The following CFAP299 variants were observed in gnomAD, a reference collection of about 807,000 sequenced individuals.
CFAP299 encodes the protein cilia and flagella associated protein 299.
In CFAP299, 21 loss-of-function variants were observed where a neutral mutation model predicts 27.0. That is an observed-to-expected ratio of 0.78 (90% CI 0.55 to 1.12). The LOEUF (loss-of-function observed/expected upper bound fraction) is 1.12. Ranked by LOEUF, CFAP299 falls within the 50% of genes most tolerant of loss-of-function variation. The pLI, the probability that CFAP299 is intolerant of heterozygous loss-of-function variation, is 0.00. For synonymous variants in CFAP299, 104 were observed against 98.1 expected (o/e 1.06, Z -0.36); for missense variants, 310 against 276.6 (o/e 1.12, Z -0.86).
At chr4:80,470,831 A>G (rs1341058801) in intron 2 of CFAP299, among the ~76,000 whole-genome samples, 3 of 152,208 alleles carry the variant, frequency 2.0e-5, no homozygotes, top group Non-Finnish European at 4.4e-5. Context: ...TGAGATATGT[A>G]TCAGCAGAAA....
intron 2 of CFAP299, among the ~76,000 whole-genome samples, chr4:80,419,344 A>G (rs1242604661): frequency 2.6e-5 from 4 of 152,104 alleles, no homozygotes; most frequent in Non-Finnish European, 5.9e-5. Context: ...GTGGCCTGCT[A>G]GTGCTTGGGA....
At chr4:80,389,715 G>A (rs966813878) in intron 2 of CFAP299, among the ~76,000 whole-genome samples, 1 of 152,056 alleles carries the variant, frequency 6.6e-6, no homozygotes, top group African/African-American at 2.4e-5. Context: ...TGCCTTTATT[G>A]CTTAACTGAT....
chr4:80,481,779 A>G (rs911005324), intron 2 of CFAP299, among the ~76,000 whole-genome samples: 5 of 152,074 alleles, frequency 3.3e-5, no homozygotes, highest in African/African-American at 1.2e-4. Context: ...TATTGGAGCT[A>G]TTATATGTAT....
intron 1 of CFAP299, among the ~76,000 whole-genome samples, chr4:80,344,291 T>G (rs1211949965): frequency 6.6e-6 from 1 of 150,944 alleles, no homozygotes; most frequent in Non-Finnish European, 1.5e-5. Flanking sequence ...GAGAATCAAA[T>G]GGACACAATC....
At chr4:80,603,619 G>A (rs564908532) in intron 3 of CFAP299, among the ~76,000 whole-genome samples, 3 of 152,166 alleles carry the variant, frequency 2.0e-5, no homozygotes, top group Non-Finnish European at 4.4e-5. Flanking sequence ...ATTTATGAAT[G>A]TGTTTAAGGA....
At chr4:80,758,558 G>A (rs934335292) in intron 3 of CFAP299, among the ~76,000 whole-genome samples, 6 of 152,044 alleles carry the variant, frequency 3.9e-5, no homozygotes, top group Non-Finnish European at 5.9e-5. Flanking sequence ...GTGGGCTCTC[G>A]CCAGAGACCC....
At chr4:80,634,022 T>A (rs905641432) in intron 3 of CFAP299, among the ~76,000 whole-genome samples, 1 of 148,432 alleles carries the variant, frequency 6.7e-6, no homozygotes, top group African/African-American at 2.5e-5. Context: ...TCTAGCTCTG[T>A]CGCCCAGGCT....
chr4:80,329,903 C>T, the CFAP299 span, among the ~76,000 whole-genome samples: 1 of 152,096 alleles, frequency 6.6e-6, no homozygotes, highest in Non-Finnish European at 1.5e-5. Flanking sequence ...AGCCTATTTC[C>T]ACCTCATCTC....
chr4:80,577,206 A>G (rs950349099), intron 2 of CFAP299, among the ~76,000 whole-genome samples: 5 of 152,090 alleles, frequency 3.3e-5, no homozygotes, highest in Admixed American at 6.6e-5. Context: ...CTGAATACCA[A>G]CTGATTATAA....
intron 3 of CFAP299, among the ~76,000 whole-genome samples, chr4:80,655,335 A>G (rs988071805): frequency 2.6e-5 from 4 of 152,194 alleles, no homozygotes; most frequent in African/African-American, 9.6e-5. Flanking sequence ...AAATACAAAA[A>G]TAAGCTATCG....
intron 2 of CFAP299, among the ~76,000 whole-genome samples, chr4:80,494,285 C>CT (rs1731318508): frequency 6.6e-6 from 1 of 152,342 alleles, no homozygotes. Flanking sequence ...ATTATCCTCA[C>CT]TATCTTCCCA....
chr4:80,448,716 A>T (rs80314058), intron 2 of CFAP299, among the ~76,000 whole-genome samples: 1 of 146,440 alleles, frequency 6.8e-6, no homozygotes, highest in African/African-American at 2.5e-5. Context: ...TAAAAAAAAA[A>T]CCACATCTCT....
At chr4:80,933,316 C>G (rs1736723401) in intron 4 of CFAP299, among the ~76,000 whole-genome samples, 1 of 152,040 alleles carries the variant, frequency 6.6e-6, no homozygotes. Context: ...CTCCCAGCAC[C>G]CCCTAGCAAC....
intron 3 of CFAP299, among the ~76,000 whole-genome samples, chr4:80,779,503 C>A (rs1726750445): frequency 6.6e-6 from 1 of 151,946 alleles, no homozygotes; most frequent in Non-Finnish European, 1.5e-5. Flanking sequence ...CTTCTTTTCC[C>A]CTTGCATCTA....
chr4:80,875,684 A>C (rs1011329767), intron 4 of CFAP299, among the ~76,000 whole-genome samples: 3 of 148,474 alleles, frequency 2.0e-5, no homozygotes, highest in African/African-American at 7.5e-5. Context: ...AAAAAAAAAG[A>C]TCTCTCATCT....
intron 3 of CFAP299, among the ~76,000 whole-genome samples, chr4:80,765,978 AGCATATAGAGAATG>A (rs1725839078): frequency 1.3e-5 from 2 of 152,106 alleles, no homozygotes; most frequent in Admixed American, 1.3e-4. Flanking sequence ...ACAGAAGAAT[AGCATATAGAGAATG>A]GCAGTGAGTC....
intron 3 of CFAP299, among the ~76,000 whole-genome samples, chr4:80,631,342 G>A (rs891714507): frequency 2.6e-5 from 4 of 151,980 alleles, no homozygotes; most frequent in Non-Finnish European, 5.9e-5. Flanking sequence ...TAAATTGTAT[G>A]AGAGTCAGTG....
intron 2 of CFAP299, among the ~76,000 whole-genome samples, chr4:80,425,130 A>C (rs1414681370): frequency 6.6e-6 from 1 of 152,180 alleles, no homozygotes; most frequent in Admixed American, 6.5e-5. Flanking sequence ...TTAATCCCCA[A>C]TGCAACAGTG....
chr4:80,414,845 A>G (rs1726922271), intron 2 of CFAP299, among the ~76,000 whole-genome samples: 1 of 152,236 alleles, frequency 6.6e-6, no homozygotes. Context: ...ATTTATTTAC[A>G]TACATGTACT....
Sources: allele counts gnomAD v4.1 joint callset (sites outside exome capture counted in the v4.1 genomes callset), GRCh38; gene constraint gnomAD v4.1.1; transcripts MANE v1.5; gene names NCBI Gene and HGNC (gene_info 2026-07-23, HGNC 2026-07-21).